Variants in ASTN2 observed in about 807,000 individuals in gnomAD.
ASTN2 encodes the protein astrotactin-2.
A neutral mutation model predicts 139.8 loss-of-function variants in ASTN2; 54 were observed. The ratio of observed to expected loss-of-function variants is 0.39; its 90% CI spans 0.31 to 0.48. ASTN2 has a LOEUF of 0.48. ASTN2 is among the 20% of genes least tolerant of loss of function. The pLI, the probability that ASTN2 is intolerant of heterozygous loss-of-function variation, is 0.95. For missense variants in ASTN2, 1,565 were observed against 1,725.1 expected, an observed-to-expected ratio of 0.91 and a Z score of 1.64; for synonymous variants, 756 against 719.5, an observed-to-expected ratio of 1.05 and a Z score of -0.81.
chr9:117,121,962 A>T (rs866390755), intron 4 of ASTN2, among the ~76,000 whole-genome samples: 1 of 152,132 alleles, frequency 6.6e-6, no homozygotes, highest in Non-Finnish European at 1.5e-5. Context: ...ATACCATCCC[A>T]TCAGGCCCCT....
At chr9:116,470,302 G>T (rs1013447130) in intron 20 of ASTN2, among the ~76,000 whole-genome samples, 3 of 152,308 alleles carry the variant, frequency 2.0e-5, no homozygotes, top group African/African-American at 7.2e-5. Flanking sequence ...GTGTTCTGAG[G>T]CCCTGTGAAG....
intron 11 of ASTN2, among the ~76,000 whole-genome samples, chr9:116,840,565 C>T (rs1293451820): frequency 5.8e-5 from 7 of 119,710 alleles, no homozygotes; most frequent in African/African-American, 7.0e-5. Context: ...GCTGACCCCC[C>T]CACCTCCCTC....
intron 11 of ASTN2, among the ~76,000 whole-genome samples, chr9:116,822,497 T>C (rs1412799995): frequency 6.6e-6 from 1 of 152,138 alleles, no homozygotes; most frequent in Admixed American, 6.5e-5. Flanking sequence ...CACAGGGTCA[T>C]TTGGAGCCGT....
chr9:117,353,071 A>C (rs923398055), intron 1 of ASTN2, among the ~76,000 whole-genome samples: 2 of 152,198 alleles, frequency 1.3e-5, no homozygotes, highest in Non-Finnish European at 2.9e-5. Flanking sequence ...GGTCATGAAA[A>C]AGTGTTGGAA....
chr9:117,204,940 T>A (rs1410293669), intron 3 of ASTN2, among the ~76,000 whole-genome samples: 1 of 152,114 alleles, frequency 6.6e-6, no homozygotes, highest in Admixed American at 6.5e-5. Flanking sequence ...TACTGCCAAA[T>A]GAACATCCTT....
chr9:116,732,100 G>T (rs886208838), intron 14 of ASTN2, among the ~76,000 whole-genome samples: 1 of 152,066 alleles, frequency 6.6e-6, no homozygotes, highest in African/African-American at 2.4e-5. Context: ...TCTACATCTG[G>T]GTCCCTCTTT....
At chr9:116,782,463 A>T (rs574237219) in intron 13 of ASTN2, among the ~76,000 whole-genome samples, 1 of 152,312 alleles carries the variant, frequency 6.6e-6, no homozygotes, top group East Asian at 1.9e-4. Flanking sequence ...CCTCTGTGAC[A>T]GGTCCCCCTG....
Position 116,983,441 on chromosome 9 carries a change from G to A in ASTN2, c.1592-6656C>T, listed in dbSNP as rs572731028. On this transcript the variant is annotated intron_variant, in intron 7 of 22. Coordinates refer to ENST00000313400, the MANE Select transcript of ASTN2 (RefSeq NM_001365068.1). ...AATAAGGAAACTGAAGCTAACACTC[G>A]ACTAGTCAGTTGCCCTAGGTCATAG... Among the ~76,000 whole-genome samples, 8 of 152,218 alleles carry A rather than the reference G, an allele frequency of 5.3e-5. No individual in the cohort carries two copies. In the South Asian group the frequency reaches 1.5e-3, roughly 28 times the overall value.
Position 117,120,018 on chromosome 9 carries a change from G to GTGTGTGTGTATATATATA in ASTN2, c.1168+21307_1168+21308insTATATATATACACACACA, listed in dbSNP as rs1306397698. 2.5e-3 allele frequency among the ~76,000 whole-genome samples: 117 copies of GTGTGTGTGTATATATATA among 45,978 alleles called. 1 individual carries two copies. The highest frequency in any genetic ancestry group is 6.5e-3 in the African/African-American group (79 of 12,184). 30.2% of individuals were successfully genotyped at this position (45,978 alleles called of 152,430 possible). On this transcript the variant is annotated intron_variant, in intron 4 of 22. Coordinates refer to ENST00000313400, the MANE Select transcript of ASTN2 (RefSeq NM_001365068.1). ...TGTGTGTGTGTGTGTGTGTGTGTGT[G>GTGTGTGTGTATATATATA]TATATATATATATATATATATATAT...
chr9:117,035,240 C>T (rs766173912), intron 6 of ASTN2, among the ~76,000 whole-genome samples: 15 of 152,156 alleles, frequency 9.9e-5, no homozygotes, highest in Admixed American at 6.5e-5. Flanking sequence ...CTCATCCTGA[C>T]AGACCTCATT....
chr9:116,784,945 A>T (rs76117721), intron 13 of ASTN2, among the ~76,000 whole-genome samples: 3 of 152,022 alleles, frequency 2.0e-5, no homozygotes, highest in South Asian at 2.1e-4. Flanking sequence ...AAAAAAAAAA[A>T]AAAAATAAGA....
chr9:116,901,840 C>T (rs1311951489), intron 10 of ASTN2, among the ~76,000 whole-genome samples: 1 of 152,080 alleles, frequency 6.6e-6, no homozygotes, highest in East Asian at 1.9e-4. Flanking sequence ...CCAGCCTGGC[C>T]AACATGGTGA....
At chr9:117,264,866 A>G (rs10983592) in intron 2 of ASTN2, among the ~76,000 whole-genome samples, 41,860 of 152,148 alleles carry the variant, frequency 0.28, 6,693 homozygotes, top group South Asian at 0.36. Flanking sequence ...AATCACACAC[A>G]TAGTGGAGGA....
chr9:116,631,329 T>C (rs1856735198), intron 17 of ASTN2, among the ~76,000 whole-genome samples: 1 of 152,172 alleles, frequency 6.6e-6, no homozygotes, highest in African/African-American at 2.4e-5. Context: ...TGTCCATAAA[T>C]AAATGCATGG....
At chr9:116,790,325 T>C (rs969717760) in intron 13 of ASTN2, among the ~76,000 whole-genome samples, 5 of 152,150 alleles carry the variant, frequency 3.3e-5, no homozygotes, top group Non-Finnish European at 2.9e-5. Context: ...AACTGAGGCT[T>C]AGAAAGGCAA....
chr9:117,227,385 G>A (rs559513913), intron 2 of ASTN2, among the ~76,000 whole-genome samples: 1 of 152,232 alleles, frequency 6.6e-6, no homozygotes, highest in South Asian at 2.1e-4. Flanking sequence ...GTTCATTACT[G>A]TCTTCAGCAC....
intron 2 of ASTN2, among the ~76,000 whole-genome samples, chr9:117,222,948 A>G (rs1165198147): frequency 6.6e-6 from 1 of 152,218 alleles, no homozygotes; most frequent in Admixed American, 6.5e-5. Context: ...AACATATATG[A>G]TAAGATTTTC....
At chr9:116,740,354 G>A (rs1409692322) in intron 13 of ASTN2, among the ~76,000 whole-genome samples, 1 of 152,132 alleles carries the variant, frequency 6.6e-6, no homozygotes, top group African/African-American at 2.4e-5. Context: ...AAGAGCATGG[G>A]CTTAGAACTC....
In ASTN2 at chr9:116,597,299, A is replaced by ATTTTTGTTTTTTTTTTTTTT. The variant is rs1554718677; in HGVS notation, c.3355+21024_3355+21025insAAAAAAAAAAAAAACAAAAA. Among the ~76,000 whole-genome samples the ATTTTTGTTTTTTTTTTTTTT allele has an allele frequency of 1.6e-3, 124 of 75,524 alleles. 12 individuals are homozygous for ATTTTTGTTTTTTTTTTTTTT. Among genetic ancestry groups the ATTTTTGTTTTTTTTTTTTTT allele is most frequent in the East Asian group, 3.4e-3 (7 of 2,046 alleles). The allele number at this position is 75,524 out of a possible 152,430, so 49.5% of individuals were successfully genotyped here. On this transcript the variant is annotated intron_variant, in intron 19 of 22. Coordinates refer to ENST00000313400, the MANE Select transcript of ASTN2 (RefSeq NM_001365068.1). The stretch of plus-strand genomic sequence containing the variant: ...CAAAATATTCCATGACTTTTGATCT[A>ATTTTTGTTTTTTTTTTTTTT]TTTTTTTTTTTTTTTTTTTTTTTTG...
Sources: allele counts gnomAD v4.1 joint callset (sites outside exome capture counted in the v4.1 genomes callset), GRCh38; gene constraint gnomAD v4.1.1; transcripts MANE v1.5; gene names NCBI Gene and HGNC (gene_info 2026-07-23, HGNC 2026-07-21).